Variants in SRRM4 observed in about 807,000 individuals in gnomAD.
SRRM4 encodes serine/arginine repetitive matrix protein 4.
SRRM4 carries 33 observed loss-of-function variants against 68.9 expected under a neutral mutation model. The observed-to-expected ratio is 0.48, with a 90% CI of 0.36 to 0.64. SRRM4 has a LOEUF of 0.64. SRRM4 is among the 30% of genes least tolerant of loss of function. The probability of loss-of-function intolerance (pLI) is 0.00; values close to 1 mark genes in which losing one functional copy is unlikely to be tolerated. For synonymous variants in SRRM4, 318 were observed against 318.8 expected, an observed-to-expected ratio of 1.00 and a Z score of 0.03; for missense variants, 817 against 827.1, an observed-to-expected ratio of 0.99 and a Z score of 0.15.
chr12:119,029,431 C>G (rs995378299), intron 1 of SRRM4, among the ~76,000 whole-genome samples: 31 of 152,282 alleles, frequency 2.0e-4, no homozygotes, highest in African/African-American at 6.7e-4. Flanking sequence ...AAATTCCAAG[C>G]TAATAATGTG....
chr12:119,156,824 G>T lies in SRRM4; in HGVS notation c.*26G>T, dbSNP rs1237978210. The T allele has an allele frequency of 8.7e-6, 13 of 1,495,104 alleles. No homozygotes were observed. The highest frequency in any genetic ancestry group is 1.2e-5 in the Non-Finnish European group (13 of 1,125,030). 92.6% of individuals were successfully genotyped at this position (1,495,104 alleles called of 1,614,324 possible). On this transcript the variant is annotated 3_prime_UTR_variant, in exon 13 of 13. Transcript: ENST00000267260. The stretch of plus-strand genomic sequence containing the variant: ...GTGCCCCTGAGCCAGCTGCCCGTGG[G>T]GGCCCCTTCGCGCTGCCAGCCTCCC...
At chr12:119,018,158 C>T (rs578000873) in intron 1 of SRRM4, among the ~76,000 whole-genome samples, 28 of 152,296 alleles carry the variant, frequency 1.8e-4, no homozygotes, top group African/African-American at 6.7e-4. Flanking sequence ...AGTCAACTCC[C>T]AAGGAGACAG....
intron 1 of SRRM4, among the ~76,000 whole-genome samples, chr12:119,019,961 C>CCCCCCCCAAA (rs547396065): frequency 1.1e-5 from 1 of 90,022 alleles, no homozygotes; most frequent in Non-Finnish European, 2.2e-5. Context: ...CCCCCCCCCC[C>CCCCCCCCAAA]AAAAAAAAAT....
At chr12:119,148,671 C>T (rs1395136159) in intron 9 of SRRM4, among the ~76,000 whole-genome samples, 1 of 152,168 alleles carries the variant, frequency 6.6e-6, no homozygotes, top group Non-Finnish European at 1.5e-5. Flanking sequence ...TAATAAGTGG[C>T]AGCACCAGAA....
intron 1 of SRRM4, among the ~76,000 whole-genome samples, chr12:119,089,640 G>A (rs527671729): frequency 1.3e-5 from 2 of 152,342 alleles, no homozygotes; most frequent in South Asian, 4.1e-4. Context: ...AGAGCTTGCT[G>A]ATGATTGGTG....
intron 1 of SRRM4, among the ~76,000 whole-genome samples, chr12:119,080,465 A>G (rs1349581502): frequency 1.3e-5 from 2 of 152,200 alleles, no homozygotes; most frequent in Non-Finnish European, 2.9e-5. Flanking sequence ...CCTCACAACA[A>G]TGGTCTTAGG....
intron 1 of SRRM4, among the ~76,000 whole-genome samples, chr12:119,035,790 G>T (rs1953623288): frequency 6.6e-6 from 1 of 152,030 alleles, no homozygotes; most frequent in Non-Finnish European, 1.5e-5. Context: ...AAACCTTTCT[G>T]CTTGCAGTAA....
intron 4 of SRRM4, among the ~76,000 whole-genome samples, chr12:119,118,251 A>T (rs1443517061): frequency 6.6e-6 from 1 of 152,250 alleles, no homozygotes; most frequent in Non-Finnish European, 1.5e-5. Context: ...TGAGCTGCGG[A>T]TAATGGGAAA....
intron 1 of SRRM4, among the ~76,000 whole-genome samples, chr12:119,056,508 C>T (rs1953777640): frequency 6.6e-6 from 1 of 152,194 alleles, no homozygotes; most frequent in African/African-American, 2.4e-5. Context: ...TTTGCTGTGA[C>T]CTGCAAGGCA....
intron 9 of SRRM4, among the ~76,000 whole-genome samples, chr12:119,149,822 C>A (rs527396978): frequency 2.0e-5 from 3 of 152,126 alleles, no homozygotes; most frequent in African/African-American, 4.8e-5. Context: ...GCCAGGCCAT[C>A]GTGAGCCTTG....
At chr12:119,100,292 A>T (rs915824062) in intron 1 of SRRM4, among the ~76,000 whole-genome samples, 1 of 146,898 alleles carries the variant, frequency 6.8e-6, no homozygotes, top group Non-Finnish European at 1.5e-5. Context: ...GGAGTTCAAG[A>T]CCAGTTTGAA....
intron 1 of SRRM4, among the ~76,000 whole-genome samples, chr12:119,083,119 G>A (rs956457343): frequency 6.6e-6 from 1 of 151,982 alleles, no homozygotes; most frequent in Non-Finnish European, 1.5e-5. Flanking sequence ...ATGTGCTGCA[G>A]CCCTTCAGAC....
intron 1 of SRRM4, among the ~76,000 whole-genome samples, chr12:119,078,854 C>T (rs1163905557): frequency 6.6e-6 from 1 of 152,158 alleles, no homozygotes; most frequent in Non-Finnish European, 1.5e-5. Context: ...CACTCAAGCC[C>T]AGGAATTTAA....
chr12:119,140,461 A>AT (rs2136063109), intron 8 of SRRM4, among the ~76,000 whole-genome samples: 1 of 151,860 alleles, frequency 6.6e-6, no homozygotes, highest in Non-Finnish European at 1.5e-5. Flanking sequence ...CTCTAATTGC[A>AT]TTTTTGTACC....
At chr12:119,066,753 T>C (rs942874798) in intron 1 of SRRM4, among the ~76,000 whole-genome samples, 1 of 152,236 alleles carries the variant, frequency 6.6e-6, no homozygotes, top group African/African-American at 2.4e-5. Flanking sequence ...GAACTTGTGC[T>C]GGAGAACGAG....
intron 8 of SRRM4, among the ~76,000 whole-genome samples, chr12:119,132,784 T>C (rs989590673): frequency 5.3e-5 from 8 of 152,180 alleles, no homozygotes; most frequent in Non-Finnish European, 1.2e-4. Flanking sequence ...CCTAATGCTC[T>C]GATTACTAAG....
intron 7 of SRRM4, among the ~76,000 whole-genome samples, chr12:119,127,967 C>A (rs562459940): frequency 5.2e-4 from 79 of 152,240 alleles, no homozygotes; most frequent in African/African-American, 1.8e-3. Context: ...TTAAAAGATG[C>A]CAATGCCTGG....
chr12:119,013,909 C>T (rs915182345), intron 1 of SRRM4, among the ~76,000 whole-genome samples: 1 of 148,640 alleles, frequency 6.7e-6, no homozygotes, highest in Admixed American at 6.8e-5. Flanking sequence ...TTGCCCACCC[C>T]AAAGTGTGCA....
chr12:119,041,028 G>C (rs182760890), intron 1 of SRRM4, among the ~76,000 whole-genome samples: 1 of 152,060 alleles, frequency 6.6e-6, no homozygotes, highest in African/African-American at 2.4e-5. Flanking sequence ...AGGATTACAG[G>C]CATGAGTCAC....
Sources: gnomAD v4.1 joint callset for allele counts (sites outside exome capture counted in the v4.1 genomes callset) on GRCh38, gnomAD v4.1.1 for gene constraint, MANE v1.5 for transcripts, NCBI Gene and HGNC (gene_info 2026-07-23, HGNC 2026-07-21) for gene names.